The following IAH1 variants were observed in gnomAD, a reference collection of about 807,000 sequenced individuals.
The protein encoded by IAH1 is isoamyl acetate-hydrolyzing esterase 1 homolog.
A neutral mutation model predicts 26.7 loss-of-function variants in IAH1; 24 were observed. The observed-to-expected ratio is 0.90, with a 90% CI of 0.65 to 1.26. The LOEUF (loss-of-function observed/expected upper bound fraction) is 1.26. Ranked by LOEUF, IAH1 falls within the 50% of genes most tolerant of loss-of-function variation. The pLI is 0.00. For missense variants in IAH1, 300 were observed against 299.9 expected (o/e 1.00, Z 0.00); for synonymous variants, 140 against 118.5 (o/e 1.18, Z -1.18).
chr2:9,486,376 A>G (rs185404605), intron 5 of IAH1: 3 of 152,326 alleles, frequency 2.0e-5, no homozygotes, highest in South Asian at 2.1e-4. Flanking sequence ...ACTGCAAACT[A>G]TTGGGCTAGT....
Position 9,489,259 on chromosome 2 carries a change from A to ATTTTTTTTTTTTTTTTTTTTTTT in IAH1, c.*932_*954dup, listed in dbSNP as rs34525911. 24 of 87,398 alleles carry ATTTTTTTTTTTTTTTTTTTTTTT rather than the reference A, an allele frequency of 2.7e-4. 2 individuals carry two copies. The highest frequency in any genetic ancestry group is 1.5e-3 in the African/African-American group (24 of 15,528). 5.4% of individuals were successfully genotyped at this position (87,398 alleles called of 1,614,324 possible). ...AATATTCTAGGTTTGTAGATAGTGA[A>ATTTTTTTTTTTTTTTTTTTTTTT]TTTTTTTTTTTTTTTTTTTTTTTTG... is the stretch of plus-strand genomic sequence containing the variant. On this transcript the variant is annotated 3_prime_UTR_variant, in exon 6 of 6. Coordinates refer to ENST00000497473, the MANE Select transcript of IAH1 (RefSeq NM_001039613.3).
At position 9,474,940 on chromosome 2, in the gene IAH1, C is replaced by T. The variant is rs977830936; in HGVS notation, c.81+293C>T. ...GCCGCCTCCCACCCGGGTCGAGATG[C>T]GCGGTCTTCCCCTCAGCGCCCTCCT... On this transcript the variant is annotated intron_variant, in intron 1 of 5. Transcript: ENST00000497473. This position sits in a 1 kb window ranked among gnomAD's most constrained non-coding sequence, Gnocchi z 4.3. The T allele has an allele frequency of 3.3e-6, 3 of 903,930 alleles. No individual in the cohort carries two copies. Among genetic ancestry groups the T allele is most frequent in the Admixed American group, 5.6e-5 (1 of 17,952 alleles). The allele number at this position is 903,930 out of a possible 1,614,324, so 56.0% of individuals were successfully genotyped here. A position where few individuals can be genotyped will look rare whatever the true frequency, so the allele number is the denominator to read the frequency against.
chr2:9,479,865 G>A (rs1346303965), intron 3 of IAH1, among the ~76,000 whole-genome samples: 1 of 132,890 alleles, frequency 7.5e-6, no homozygotes, highest in African/African-American at 2.8e-5. Context: ...CTGGAATGAA[G>A]TGATACGGTC....
At chr2:9,476,596 G>A (rs975342674) in intron 2 of IAH1, among the ~76,000 whole-genome samples, 1 of 152,204 alleles carries the variant, frequency 6.6e-6, no homozygotes, top group Admixed American at 6.5e-5. Flanking sequence ...AGGGAGATGG[G>A]TAGGGCAGTA....
At chr2:9,487,156 C>G (rs528491463) in intron 5 of IAH1, among the ~76,000 whole-genome samples, 1 of 152,186 alleles carries the variant, frequency 6.6e-6, no homozygotes, top group East Asian at 1.9e-4. Flanking sequence ...TTAGAAAGAT[C>G]GCTTGAGCCC....
At chr2:9,493,935 GT>G, downstream of IAH1, 1 of 865,018 alleles carries the variant, frequency 1.2e-6, no homozygotes, top group South Asian at 1.8e-5. Flanking sequence ...AAAATCAAAC[GT>G]TTTCCCATCT....
chr2:9,480,237 TATGTG>T (rs1661087509), intron 3 of IAH1, among the ~76,000 whole-genome samples: 1 of 152,200 alleles, frequency 6.6e-6, no homozygotes, highest in Non-Finnish European at 1.5e-5. Flanking sequence ...CATAATATGT[TATGTG>T]AGCCAGGCGT....
At chr2:9,494,860 G>A in exon 6 of IAH1, 1 of 1,476,962 alleles carries the variant, frequency 6.8e-7, no homozygotes, top group Non-Finnish European at 9.2e-7. Context: ...CTCCCAAAGA[G>A]GTAAGAAATC....
At chr2:9,488,080 G>C in intron 5 of IAH1, 67 bp from the exon 6 acceptor site, 1 of 1,084,668 alleles carries the variant, frequency 9.2e-7, no homozygotes, top group Non-Finnish European at 1.3e-6. Flanking sequence ...CAAAGTGTTG[G>C]AATGACAGGG....
chr2:9,489,934 A>G (rs1572866900), downstream of IAH1: 4 of 439,454 alleles, frequency 9.1e-6, no homozygotes, highest in East Asian at 1.4e-4. Context: ...CCACAGGTCA[A>G]AAGATATTTT....
At chr2:9,507,168 A>C in the IAH1 span, among the ~76,000 whole-genome samples, 1 of 152,140 alleles carries the variant, frequency 6.6e-6, no homozygotes, top group African/African-American at 2.4e-5. Flanking sequence ...CCTTTTCATC[A>C]GTTAAAAATA....
At chr2:9,475,905 CAG>C in intron 1 of IAH1, 80 bp from the exon 2 acceptor site, 1 of 1,201,756 alleles carries the variant, frequency 8.3e-7, no homozygotes. Context: ...GCCGAGAAAA[CAG>C]AAGTTGCCAA....
chr2:9,475,496 T>C, intron 1 of IAH1, among the ~76,000 whole-genome samples: 1 of 151,166 alleles, frequency 6.6e-6, no homozygotes, highest in Non-Finnish European at 1.5e-5. Context: ...AGCTTTTTTT[T>C]TTTTTTCTTT....
chr2:9,475,916 A>G, intron 1 of IAH1, 71 bp from the exon 2 acceptor site: 1 of 1,365,604 alleles, frequency 7.3e-7, no homozygotes, highest in East Asian at 2.3e-5. Flanking sequence ...AGAAGTTGCC[A>G]ATCAGAACTG....
chr2:9,491,159 G>T (rs1558490803), downstream of IAH1: 2 of 1,611,338 alleles, frequency 1.2e-6, no homozygotes, highest in Admixed American at 3.3e-5. Context: ...ATCCTAGAAA[G>T]AAACAGCAAG....
chr2:9,505,412 T>G, the IAH1 span: 2 of 1,535,760 alleles, frequency 1.3e-6, no homozygotes, highest in African/African-American at 1.4e-5. Flanking sequence ...ATCATAAAAA[T>G]GTATTCCCAT....
downstream of IAH1, among the ~76,000 whole-genome samples, chr2:9,490,774 T>G (rs567642649): frequency 6.6e-6 from 1 of 152,314 alleles, no homozygotes; most frequent in East Asian, 1.9e-4. Flanking sequence ...ACTTACCATT[T>G]GAAGACCCAA....
intron 2 of IAH1, 65 bp from the exon 3 acceptor site, chr2:9,478,157 G>A: frequency 1.4e-6 from 2 of 1,447,174 alleles, no homozygotes; most frequent in South Asian, 1.4e-5. Flanking sequence ...CTCACTAAAG[G>A]CCGGTTACTG....
the IAH1 span, among the ~76,000 whole-genome samples, chr2:9,504,226 C>G: frequency 6.6e-6 from 1 of 151,842 alleles, no homozygotes; most frequent in Admixed American, 6.6e-5. Flanking sequence ...GTGGGCAGAT[C>G]ATGAAGTCAG....
Sources: allele counts gnomAD v4.1 joint callset (sites outside exome capture counted in the v4.1 genomes callset), GRCh38; gene constraint gnomAD v4.1.1; non-coding constraint Gnocchi (gnomAD v3.1); transcripts MANE v1.5; gene names NCBI Gene and HGNC (gene_info 2026-07-23, HGNC 2026-07-21).